The following CEP89 variants were observed in gnomAD, a reference collection of about 807,000 sequenced individuals.
The protein encoded by CEP89 is centrosomal protein 89.
Under a neutral mutation model 97.6 loss-of-function variants are expected in CEP89, and 95 were observed. The observed-to-expected ratio is 0.97, with a 90% CI of 0.82 to 1.15. CEP89 has a LOEUF of 1.15. Ranked by LOEUF, CEP89 falls within the 50% of genes most tolerant of loss-of-function variation. The pLI, the probability that CEP89 is intolerant of heterozygous loss-of-function variation, is 0.00. For synonymous variants in CEP89, 354 were observed against 349.1 expected, an observed-to-expected ratio of 1.01 and a Z score of -0.16; for missense variants, 869 against 947.7, an observed-to-expected ratio of 0.92 and a Z score of 1.09.
At chr19:32,960,952 G>A (rs918830586) in intron 2 of CEP89, among the ~76,000 whole-genome samples, 5 of 152,210 alleles carry the variant, frequency 3.3e-5, no homozygotes, top group African/African-American at 1.2e-4. Flanking sequence ...GAGAGAATGT[G>A]TAGGATAGAG....
In CEP89 at chr19:32,926,282, A is replaced by G. The variant is rs1365386483; in HGVS notation, c.1081-9T>C. 12 of 1,587,108 alleles carry G rather than the reference A, an allele frequency of 7.6e-6. No homozygotes were observed. The highest frequency in any genetic ancestry group is 1.0e-5 in the Non-Finnish European group (12 of 1,156,348). The stretch of plus-strand genomic sequence containing the variant: ...AGGTACTTTATATCCAACTGAAGAT[A>G]GAGAGTAAAGGAAGGTTAATATATT... On this transcript the variant is annotated splice_polypyrimidine_tract_variant and intron_variant, in intron 10 of 18. Transcript: ENST00000305768.
chr19:32,893,142 C>T (rs563090874), intron 16 of CEP89, among the ~76,000 whole-genome samples: 6 of 150,514 alleles, frequency 4.0e-5, no homozygotes, highest in South Asian at 4.2e-4. Context: ...GTGCTGCCTA[C>T]AAGAAACACA....
Position 32,881,775 on chromosome 19 carries a change from G to T in CEP89, c.2135+69C>A, listed in dbSNP as rs142284097. 1.2e-3 allele frequency: 1,657 copies of T among 1,439,946 alleles called. 22 individuals are homozygous for T. The African/African-American group carries it at 0.021, about 18-fold the overall frequency. The allele number at this position is 1,439,946 out of a possible 1,614,324, so 89.2% of individuals were successfully genotyped here. On this transcript the variant is annotated intron_variant, in intron 18 of 18. Transcript: ENST00000305768. Reference sequence around the variant, plus strand: ...GGAACAAATAAAACAGGCCCAGAGGGTTTTAGCAGAACCCTCAATCAGACA... The same window carrying T: ...GGAACAAATAAAACAGGCCCAGAGGTTTTTAGCAGAACCCTCAATCAGACA...
At chr19:32,922,627 C>G (rs932464568) in intron 12 of CEP89, among the ~76,000 whole-genome samples, 1 of 152,076 alleles carries the variant, frequency 6.6e-6, no homozygotes, top group African/African-American at 2.4e-5. Flanking sequence ...GTGGGCAGAT[C>G]ACATGAGGTC....
At chr19:32,971,424 A>G (rs1971406328) in intron 1 of CEP89, 2 of 446,242 alleles carry the variant, frequency 4.5e-6, no homozygotes, top group Admixed American at 7.6e-5. Flanking sequence ...CACGCCTGTG[A>G]TACCAACACT....
intron 9 of CEP89, among the ~76,000 whole-genome samples, chr19:32,929,592 G>A (rs961092485): frequency 3.4e-5 from 5 of 147,320 alleles, no homozygotes; most frequent in African/African-American, 1.3e-4. Context: ...GACATAGAGA[G>A]ACTGTGTCTA....
chr19:32,878,656 A>T lies in CEP89; in HGVS notation c.*506T>A, dbSNP rs1399623374. The stretch of plus-strand genomic sequence containing the variant: ...ACATGCCCTGGCTAAAACAGATTTC[A>T]GCAGCACGTTATTAAAATAAAGCAC... On this transcript the variant is annotated 3_prime_UTR_variant, in exon 19 of 19. Coordinates refer to ENST00000305768, the MANE Select transcript of CEP89 (RefSeq NM_032816.5). The T allele has an allele frequency of 6.6e-6, 1 of 152,584 alleles. No individual in the cohort carries two copies. The highest frequency in any genetic ancestry group is 2.1e-4 in the South Asian group (1 of 4,848). The allele number at this position is 152,584 out of a possible 1,614,324, so 9.5% of individuals were successfully genotyped here.
intron 2 of CEP89, among the ~76,000 whole-genome samples, chr19:32,962,321 T>C (rs1971186231): frequency 6.6e-6 from 1 of 152,232 alleles, no homozygotes; most frequent in Admixed American, 6.5e-5. Flanking sequence ...CCTTCTGCCA[T>C]GATTGTTGGT....
At chr19:32,892,202 CAT>C (rs71336973) in intron 16 of CEP89, among the ~76,000 whole-genome samples, 4,260 of 114,352 alleles carry the variant, frequency 0.037, 74 homozygotes, top group Non-Finnish European at 0.047. Flanking sequence ...TATATTTAGA[CAT>C]ATATATATAT....
At chr19:32,930,267 A>G (rs1215435846) in intron 9 of CEP89, among the ~76,000 whole-genome samples, 1 of 152,034 alleles carries the variant, frequency 6.6e-6, no homozygotes, top group Non-Finnish European at 1.5e-5. Flanking sequence ...ACTTCAACTG[A>G]TCCGCCCACC....
intron 16 of CEP89, among the ~76,000 whole-genome samples, chr19:32,898,159 A>T (rs1040676247): frequency 3.5e-4 from 54 of 152,238 alleles, no homozygotes; most frequent in African/African-American, 1.3e-3. Context: ...ACAGATAAAG[A>T]AAATATGCTC....
intron 18 of CEP89, among the ~76,000 whole-genome samples, chr19:32,879,820 G>C (rs945714549): frequency 1.3e-5 from 2 of 152,220 alleles, no homozygotes; most frequent in South Asian, 4.1e-4. Flanking sequence ...AGCCCCTCCT[G>C]TGTCCCGTCT....
intron 11 of CEP89, among the ~76,000 whole-genome samples, chr19:32,925,365 T>G (rs951578261): frequency 6.6e-6 from 1 of 151,900 alleles, no homozygotes; most frequent in African/African-American, 2.4e-5. Flanking sequence ...ACCTCACTTC[T>G]CCATTTCCAA....
chr19:32,954,963 C>T (rs1568579575), intron 3 of CEP89, among the ~76,000 whole-genome samples: 1 of 151,542 alleles, frequency 6.6e-6, no homozygotes, highest in Non-Finnish European at 1.5e-5. Flanking sequence ...CCATGCCTGG[C>T]CCCAGCCTGC....
rs763474593 is a variant in CEP89, at chr19:32,966,405, C to T, written c.101G>A (p.Arg34His). ...ASVAPKAAVP[R>H]TPPPRSPNPS... is the part of the protein sequence containing the mutation. ...GTTGGGGCTGCGGGGAGGAGGTGTG[C>T]GTGGCACAGCTGCCTTCGGAGCAAC... Residue 34 changes from arginine to histidine, a missense_variant, in exon 2 of 19, where the codon CGC (arginine) becomes CAC (histidine). Coordinates refer to ENST00000305768, the MANE Select transcript of CEP89 (RefSeq NM_032816.5). 5 of 1,561,172 alleles carry T rather than the reference C, an allele frequency of 3.2e-6. No homozygotes were observed. Among genetic ancestry groups the T allele is most frequent in the South Asian group, 1.2e-5 (1 of 83,940 alleles).
chr19:32,921,306 G>A (rs1228058594), intron 12 of CEP89, among the ~76,000 whole-genome samples: 4 of 152,310 alleles, frequency 2.6e-5, no homozygotes, highest in African/African-American at 9.6e-5. Context: ...AGGTTTAGCA[G>A]CCGTGCAGGT....
At chr19:32,958,711 C>T (rs191984808) in intron 3 of CEP89, among the ~76,000 whole-genome samples, 201 of 148,572 alleles carry the variant, frequency 1.4e-3, no homozygotes, top group African/African-American at 4.6e-3. Context: ...GGTGAATATA[C>T]GTGACAATTA....
At chr19:32,898,171 A>G (rs1402847988) in intron 16 of CEP89, among the ~76,000 whole-genome samples, 2 of 152,212 alleles carry the variant, frequency 1.3e-5, no homozygotes, top group Non-Finnish European at 2.9e-5. Context: ...AATATGCTCT[A>G]TTTACACAAT....
At chr19:32,907,315 T>C (rs2082423) in intron 14 of CEP89, among the ~76,000 whole-genome samples, 29,410 of 152,166 alleles carry the variant, frequency 0.19, 2,945 homozygotes, top group Non-Finnish European at 0.2. Flanking sequence ...GAGCCATGAT[T>C]GAGCCACTTC....
Sources: allele counts gnomAD v4.1 joint callset (sites outside exome capture counted in the v4.1 genomes callset), GRCh38; gene constraint gnomAD v4.1.1; transcripts MANE v1.5; gene names NCBI Gene and HGNC (gene_info 2026-07-23, HGNC 2026-07-21).